ANO3: variants seen among roughly 807,000 people sequenced by gnomAD.
The protein encoded by ANO3 is anoctamin 3, also known as anoctamin-3.
Under a neutral mutation model 144.8 loss-of-function variants are expected in ANO3, and 99 were observed. The observed-to-expected ratio is 0.68, with a 90% CI of 0.58 to 0.81. The LOEUF is 0.81. ANO3 is among the 30% of genes least tolerant of loss of function. The pLI is 0.00. For missense variants in ANO3, 905 were observed against 1,202.2 expected, an observed-to-expected ratio of 0.75 and a Z score of 3.66; for synonymous variants, 414 against 392.6, an observed-to-expected ratio of 1.05 and a Z score of -0.64.
chr11:26,465,327 A>G (rs1253439589), intron 4 of ANO3, among the ~76,000 whole-genome samples: 1 of 140,042 alleles, frequency 7.1e-6, no homozygotes, highest in African/African-American at 2.5e-5. Flanking sequence ...TAGTTAAATT[A>G]TATGGCTGAA....
intron 3 of ANO3, chr11:26,460,057 G>A: frequency 2.2e-6 from 1 of 449,240 alleles, no homozygotes; most frequent in Non-Finnish European, 4.5e-6. Flanking sequence ...TTCAACATTA[G>A]AGATCAGATT....
At chr11:26,417,163 G>C (rs1486465948) in intron 1 of ANO3, among the ~76,000 whole-genome samples, 1 of 152,044 alleles carries the variant, frequency 6.6e-6, no homozygotes, top group East Asian at 1.9e-4. Context: ...GTTATCTAAA[G>C]AAATTACAGC....
At chr11:26,223,771 C>T (rs975014754) in intron 1 of ANO3, among the ~76,000 whole-genome samples, 2 of 151,756 alleles carry the variant, frequency 1.3e-5, no homozygotes, top group African/African-American at 4.8e-5. Flanking sequence ...GCAGGAGCAG[C>T]AATATTCATG....
intron 14 of ANO3, chr11:26,561,138 A>ATGGC: frequency 6.2e-7 from 1 of 1,612,946 alleles, no homozygotes; most frequent in Admixed American, 1.7e-5. Context: ...ACTTTCTGGC[A>ATGGC]TGGCTGAATC....
intron 1 of ANO3, among the ~76,000 whole-genome samples, chr11:26,219,761 A>G (rs1852105226): frequency 6.6e-6 from 1 of 152,154 alleles, no homozygotes; most frequent in South Asian, 2.1e-4. Flanking sequence ...TTACTTACAG[A>G]TAGAGAGAAA....
Position 26,442,012 on chromosome 11 carries a change from A to G in ANO3, c.141A>G (p.Ser47=), listed in dbSNP as rs763729264. The G allele has an allele frequency of 6.2e-7, 1 of 1,614,036 alleles. No homozygotes were observed. The highest frequency in any genetic ancestry group is 1.3e-5 in the African/African-American group (1 of 74,936). ...LPCLAQSYAY[S]KSLSQSTSLF... is the part of the protein sequence containing the mutation. Reference sequence around the variant, plus strand: ...GCCTCGCCCAGAGCTACGCTTACTCAAAGAGCTTGAGCCAGTCTACTTCCC... The same window carrying G: ...GCCTCGCCCAGAGCTACGCTTACTCGAAGAGCTTGAGCCAGTCTACTTCCC... The change falls in exon 2 of 27, where the codon TCA becomes TCG. Residue 47 remains serine, a synonymous_variant. Transcript: ENST00000256737.
chr11:26,461,238 G>A (rs1859385192), intron 3 of ANO3, among the ~76,000 whole-genome samples: 1 of 152,086 alleles, frequency 6.6e-6, no homozygotes, highest in Non-Finnish European at 1.5e-5. Flanking sequence ...TAGGGTTTTG[G>A]TAGCTGCTCC....
chr11:26,642,786 C>T (rs895175932), intron 22 of ANO3, among the ~76,000 whole-genome samples: 4 of 143,626 alleles, frequency 2.8e-5, no homozygotes, highest in Non-Finnish European at 4.7e-5. Flanking sequence ...CTTCTTCCTC[C>T]TCTTCTTTCT....
intron 3 of ANO3, among the ~76,000 whole-genome samples, chr11:26,453,623 T>A (rs927571422): frequency 6.6e-6 from 1 of 151,996 alleles, no homozygotes; most frequent in Non-Finnish European, 1.5e-5. Context: ...TCCCACACAT[T>A]AATAATGGGA....
At chr11:26,300,195 A>AGCAC (rs1390909421) in intron 1 of ANO3, among the ~76,000 whole-genome samples, 3 of 151,952 alleles carry the variant, frequency 2.0e-5, no homozygotes, top group African/African-American at 7.3e-5. Context: ...TGCCCATGCA[A>AGCAC]GCACGCACGC....
chr11:26,504,909 G>A (rs1208548486), intron 4 of ANO3, among the ~76,000 whole-genome samples: 1 of 151,656 alleles, frequency 6.6e-6, no homozygotes, highest in Non-Finnish European at 1.5e-5. Flanking sequence ...CTACTCGGGA[G>A]GCTGAGGCAG....
At chr11:26,546,825 G>C (rs1052672396) in intron 11 of ANO3, among the ~76,000 whole-genome samples, 1 of 152,018 alleles carries the variant, frequency 6.6e-6, no homozygotes, top group Non-Finnish European at 1.5e-5. Flanking sequence ...ATCGTATAGG[G>C]AGGAAAAGGA....
intron 4 of ANO3, among the ~76,000 whole-genome samples, chr11:26,466,245 G>C (rs1859597419): frequency 6.6e-6 from 1 of 151,936 alleles, no homozygotes; most frequent in Non-Finnish European, 1.5e-5. Context: ...GAAATTAGAG[G>C]CAGCACTAAA....
upstream of ANO3, among the ~76,000 whole-genome samples, chr11:26,329,812 ATTTTT>A (rs34683057): frequency 7.2e-6 from 1 of 139,426 alleles, no homozygotes. Flanking sequence ...AGGGACTTAA[ATTTTT>A]TTTTTTTTTT....
chr11:26,408,410 A>C (rs368874125), intron 1 of ANO3, among the ~76,000 whole-genome samples: 20 of 152,162 alleles, frequency 1.3e-4, no homozygotes, highest in South Asian at 2.1e-4. Flanking sequence ...AAATACAAAT[A>C]AAAACCACAA....
At chr11:26,280,351 G>C (rs1853650634) in intron 1 of ANO3, among the ~76,000 whole-genome samples, 1 of 152,074 alleles carries the variant, frequency 6.6e-6, no homozygotes, top group South Asian at 2.1e-4. Flanking sequence ...TATGTAAAGG[G>C]GAGTTTTTTA....
chr11:26,445,197 C>G (rs570922172), intron 3 of ANO3, among the ~76,000 whole-genome samples: 1 of 152,112 alleles, frequency 6.6e-6, no homozygotes, highest in Non-Finnish European at 1.5e-5. Flanking sequence ...GATTTTGGAG[C>G]ATTTTGGATT....
intron 1 of ANO3, among the ~76,000 whole-genome samples, chr11:26,270,087 G>A (rs939489146): frequency 1.3e-5 from 2 of 152,060 alleles, no homozygotes; most frequent in East Asian, 3.9e-4. Context: ...AAGAATGATA[G>A]GCAGTTCAAG....
At chr11:26,282,555 AT>A (rs1453731800) in intron 1 of ANO3, among the ~76,000 whole-genome samples, 2 of 152,106 alleles carry the variant, frequency 1.3e-5, no homozygotes, top group Non-Finnish European at 2.9e-5. Flanking sequence ...AAAAGATAAG[AT>A]TTTTTTAATT....
Sources: allele counts gnomAD v4.1 joint callset (sites outside exome capture counted in the v4.1 genomes callset), GRCh38; gene constraint gnomAD v4.1.1; transcripts MANE v1.5; gene names NCBI Gene and HGNC (gene_info 2026-07-23, HGNC 2026-07-21).